NEXN: variants seen among roughly 807,000 people sequenced by gnomAD.
NEXN encodes nexilin.
In NEXN, 65 loss-of-function variants were observed where a neutral mutation model predicts 92.6. The ratio of observed to expected loss-of-function variants is 0.70; its 90% CI spans 0.57 to 0.86. The LOEUF is 0.86. NEXN is among the 40% of genes least tolerant of loss of function. The probability of loss-of-function intolerance (pLI) is 0.00; values close to 1 mark genes in which losing one functional copy is unlikely to be tolerated. For synonymous variants in NEXN, 254 were observed against 242.5 expected, an observed-to-expected ratio of 1.05 and a Z score of -0.44; for missense variants, 778 against 771.1, an observed-to-expected ratio of 1.01 and a Z score of -0.11.
At chr1:77,925,920 T>C (rs1281811290) in intron 6 of NEXN, among the ~76,000 whole-genome samples, 12 of 152,040 alleles carry the variant, frequency 7.9e-5, no homozygotes, top group Non-Finnish European at 1.8e-4. Flanking sequence ...AGTTTATCTA[T>C]AATATATATA....
intron 1 of NEXN, among the ~76,000 whole-genome samples, chr1:77,898,241 C>T (rs1259592061): frequency 2.6e-5 from 4 of 152,168 alleles, no homozygotes; most frequent in South Asian, 2.1e-4. Context: ...GGAGGCATCA[C>T]GCTACCTGAC....
rs1211415757 is a variant in NEXN, at chr1:77,942,752, G to A, written c.1951G>A (p.Glu651Lys). 20 of 1,613,686 alleles carry A rather than the reference G, an allele frequency of 1.2e-5. No homozygotes were observed. The highest frequency in any genetic ancestry group is 1.7e-5 in the Non-Finnish European group (20 of 1,179,714). Residue 651 changes from glutamate (E) to lysine (K), a missense_variant, in exon 13 of 13, where the codon GAG (glutamate) becomes AAG (lysine). Transcript: ENST00000334785. ...LPETFPEDGG[E>K]YMCKAVNNKG... Reference sequence around the variant, plus strand: ...AGAAACTTTCCCAGAAGATGGAGGAGAGTATATGTGTAAAGCAGTCAACAA... The same window carrying A: ...AGAAACTTTCCCAGAAGATGGAGGAAAGTATATGTGTAAAGCAGTCAACAA...
chr1:77,942,002 T>C, intron 11 of NEXN, 21 bp from the exon 12 acceptor site: 1 of 1,608,608 alleles, frequency 6.2e-7, no homozygotes, highest in Non-Finnish European at 8.5e-7. Flanking sequence ...CAATTGTTAA[T>C]CTTGGCCCAC....
chr1:77,892,173 T>C (rs190760159), intron 1 of NEXN, among the ~76,000 whole-genome samples: 1 of 152,148 alleles, frequency 6.6e-6, no homozygotes, highest in East Asian at 1.9e-4. Flanking sequence ...TCTTAAAAAT[T>C]GGAAAATCTG....
intron 5 of NEXN, among the ~76,000 whole-genome samples, chr1:77,923,279 G>A (rs1253264987): frequency 6.6e-6 from 1 of 151,282 alleles, no homozygotes; most frequent in Non-Finnish European, 1.5e-5. Context: ...ACAGGCATGA[G>A]CCACCATGCC....
chr1:77,898,400 A>G (rs968960192), intron 1 of NEXN, among the ~76,000 whole-genome samples: 3 of 152,240 alleles, frequency 2.0e-5, no homozygotes, highest in Admixed American at 1.3e-4. Context: ...GAGAAAAACA[A>G]GCAATGGGGA....
chr1:77,933,356 T>TA lies in NEXN; in HGVS notation c.1130dup (p.Asn377LysfsTer3). ...TTCTTACACCGGGAAAACTGGAAATTAATTTTGAAGAATTATTAAAACAAA... is the reference window on the plus strand; with the variant it reads ...TTCTTACACCGGGAAAACTGGAAATTAAATTTTGAAGAATTATTAAAACAAA... On this transcript the variant is annotated frameshift_variant, in exon 10 of 13. Transcript: ENST00000334785. LOFTEE classifies it high-confidence loss of function. 1 of 1,611,246 alleles carries TA rather than the reference T, an allele frequency of 6.2e-7. No individual in the cohort carries two copies. The highest frequency in any genetic ancestry group is 1.1e-5 in the South Asian group (1 of 90,626).
intron 8 of NEXN, among the ~76,000 whole-genome samples, chr1:77,927,148 C>T (rs1490746972): frequency 6.6e-6 from 1 of 151,900 alleles, no homozygotes; most frequent in Non-Finnish European, 1.5e-5. Context: ...ACTGTGAAAT[C>T]CCTGTAATCC....
In NEXN at chr1:77,891,117, GTA is replaced by G. The variant is rs1274063125; in HGVS notation, c.-53+2361_-53+2362del. ...TTCCTTTATTATTTAAATATTCAGT[GTA>G]TAGTTTGGCTTAATTTATAGTAGTT... On this transcript the variant is annotated intron_variant, in intron 1 of 12. Coordinates refer to ENST00000334785, the MANE Select transcript of NEXN (RefSeq NM_144573.4). Among the ~76,000 whole-genome samples the G allele has an allele frequency of 3.3e-5, 5 of 152,160 alleles. No homozygotes were observed. The East Asian group carries it at 9.7e-4, about 29-fold the overall frequency.
intron 1 of NEXN, among the ~76,000 whole-genome samples, chr1:77,894,190 C>T (rs1647169206): frequency 6.6e-6 from 1 of 151,988 alleles, no homozygotes; most frequent in Admixed American, 6.6e-5. Context: ...CTCCTGACCT[C>T]AGGTGATCCA....
At chr1:77,892,828 T>C (rs1403985438) in intron 1 of NEXN, among the ~76,000 whole-genome samples, 1 of 152,096 alleles carries the variant, frequency 6.6e-6, no homozygotes, top group Non-Finnish European at 1.5e-5. Flanking sequence ...GGGGAAGATA[T>C]TTCTGCTAAG....
intron 5 of NEXN, among the ~76,000 whole-genome samples, chr1:77,919,693 A>G (rs1442325118): frequency 6.8e-6 from 1 of 146,066 alleles, no homozygotes; most frequent in Non-Finnish European, 1.5e-5. Flanking sequence ...TCCACCACCC[A>G]GGTTGAAGCG....
At chr1:77,917,121 A>G (rs1009836315) in intron 2 of NEXN, among the ~76,000 whole-genome samples, 2 of 152,170 alleles carry the variant, frequency 1.3e-5, no homozygotes, top group African/African-American at 2.4e-5. Flanking sequence ...TTAGGCTCAA[A>G]CTTTAAAGCC....
chr1:77,910,413 T>C (rs143562541), intron 1 of NEXN, among the ~76,000 whole-genome samples: 155 of 152,162 alleles, frequency 1.0e-3, no homozygotes, highest in African/African-American at 3.6e-3. Flanking sequence ...TGATCATCTA[T>C]GTATGTAGAA....
At chr1:77,891,352 T>C (rs1647101100) in intron 1 of NEXN, among the ~76,000 whole-genome samples, 1 of 152,182 alleles carries the variant, frequency 6.6e-6, no homozygotes, top group African/African-American at 2.4e-5. Context: ...ATAGAACTCT[T>C]TCTTTTTGCA....
intron 5 of NEXN, among the ~76,000 whole-genome samples, chr1:77,922,524 C>G (rs1299143334): frequency 6.6e-6 from 1 of 152,098 alleles, no homozygotes; most frequent in Non-Finnish European, 1.5e-5. Flanking sequence ...ATTTACCTAG[C>G]ATGTCAGTGT....
At chr1:77,940,752 T>G (rs1053822208) in intron 11 of NEXN, among the ~76,000 whole-genome samples, 5 of 152,236 alleles carry the variant, frequency 3.3e-5, no homozygotes, top group African/African-American at 1.2e-4. Flanking sequence ...GAAACTACAG[T>G]AAGCAAATCA....
At chr1:77,892,923 GTGGCA>G (rs2102025736) in intron 1 of NEXN, among the ~76,000 whole-genome samples, 1 of 150,506 alleles carries the variant, frequency 6.6e-6, no homozygotes, top group Admixed American at 6.6e-5. Flanking sequence ...CTAGAGTGCA[GTGGCA>G]TGATCTTGGC....
chr1:77,899,100 T>C (rs1215357912), intron 1 of NEXN, among the ~76,000 whole-genome samples: 16 of 152,272 alleles, frequency 1.1e-4, no homozygotes, highest in Admixed American at 2.6e-4. Context: ...GTCAGTGTGG[T>C]GATTCCTCAG....
Sources: gnomAD v4.1 joint callset for allele counts (sites outside exome capture counted in the v4.1 genomes callset) on GRCh38, gnomAD v4.1.1 for gene constraint, MANE v1.5 for transcripts, NCBI Gene and HGNC (gene_info 2026-07-23, HGNC 2026-07-21) for gene names.